The following EXT2 variants were observed in gnomAD, a reference collection of about 807,000 sequenced individuals.
The protein encoded by EXT2 is exostosin-2.
In EXT2, 53 loss-of-function variants were observed where a neutral mutation model predicts 81.6. The observed-to-expected ratio is 0.65, with a 90% confidence interval of 0.52 to 0.82. EXT2 has a LOEUF of 0.82. Ranked by LOEUF, EXT2 falls within the 40% of genes least tolerant of loss-of-function variation. EXT2 has a pLI of 0.00. For synonymous variants in EXT2, 320 were observed against 340.0 expected (o/e 0.94, Z 0.65); for missense variants, 774 against 910.2 (o/e 0.85, Z 1.93).
At position 44,234,125 on chromosome 11, in the gene EXT2, A is replaced by G. The variant is rs1264658427; in HGVS notation, c.1817A>G (p.Tyr606Cys). 1 of 1,613,992 alleles carries G rather than the reference A, an allele frequency of 6.2e-7. No individual in the cohort carries two copies. The highest frequency in any genetic ancestry group is 8.5e-7 in the Non-Finnish European group (1 of 1,179,902). ...GAAFYHKYFN[Y>C]LYTYKMPGDI... ...TGTCTCACTTGACAGTATTTTAATT[A>G]CCTGTATACCTACAAAATGCCTGGG... The change falls in exon 12 of 14, where the codon TAC becomes TGC. Residue 606 changes from tyrosine (Y) to cysteine (C), a missense_variant. Tyr to Cys is a radical substitution (Grantham distance 194). Coordinates refer to ENST00000533608, the MANE Select transcript of EXT2 (RefSeq NM_207122.2).
intron 4 of EXT2, among the ~76,000 whole-genome samples, chr11:44,119,865 A>G (rs1030659837): frequency 1.3e-5 from 2 of 152,336 alleles, no homozygotes; most frequent in Admixed American, 6.5e-5. Context: ...AGAGAGTGAC[A>G]TGTGAGGACT....
intron 7 of EXT2, among the ~76,000 whole-genome samples, chr11:44,165,102 T>A (rs1428638546): frequency 6.6e-6 from 1 of 151,996 alleles, no homozygotes; most frequent in East Asian, 1.9e-4. Flanking sequence ...ATGGTCTCGA[T>A]CTCCTGACCT....
chr11:44,146,704 T>C (rs983543955), intron 7 of EXT2, among the ~76,000 whole-genome samples: 1 of 152,232 alleles, frequency 6.6e-6, no homozygotes, highest in Non-Finnish European at 1.5e-5. Flanking sequence ...AGTAGTTTAT[T>C]AAGCCTAATA....
intron 13 of EXT2, among the ~76,000 whole-genome samples, chr11:44,238,529 G>A (rs572999557): frequency 2.6e-5 from 4 of 152,244 alleles, no homozygotes; most frequent in South Asian, 2.1e-4. Flanking sequence ...GGATTGGAGC[G>A]AACTGTTGGA....
At chr11:44,218,793 CTTTTTTTTTTT>C (rs11368525) in intron 10 of EXT2, among the ~76,000 whole-genome samples, 45 of 92,300 alleles carry the variant, frequency 4.9e-4, no homozygotes, top group Non-Finnish European at 6.3e-4. Flanking sequence ...ATCTGCAATT[CTTTTTTTTTTT>C]TTTTTTTTTT....
intron 10 of EXT2, among the ~76,000 whole-genome samples, chr11:44,207,865 C>A (rs765784048): frequency 2.6e-5 from 4 of 151,994 alleles, no homozygotes; most frequent in South Asian, 4.1e-4. Context: ...TCCCCTCCCC[C>A]CCGACACTAT....
chr11:44,144,741 T>C (rs772097503), intron 7 of EXT2, among the ~76,000 whole-genome samples: 4 of 152,222 alleles, frequency 2.6e-5, no homozygotes, highest in African/African-American at 4.8e-5. Context: ...TGACCCCTTC[T>C]TGTTTCCTGG....
At chr11:44,213,874 A>G (rs1217389301) in intron 10 of EXT2, among the ~76,000 whole-genome samples, 2 of 152,264 alleles carry the variant, frequency 1.3e-5, no homozygotes, top group Non-Finnish European at 2.9e-5. Flanking sequence ...AGACTCAAGA[A>G]GCTGAACCAA....
chr11:44,219,830 G>A (rs749427056), intron 10 of EXT2, among the ~76,000 whole-genome samples: 18 of 152,134 alleles, frequency 1.2e-4, no homozygotes, highest in African/African-American at 2.4e-5. Context: ...CCTAACAGAG[G>A]AACCATAAAA....
At chr11:44,229,578 AC>A (rs1955874986) in intron 10 of EXT2, among the ~76,000 whole-genome samples, 2 of 152,182 alleles carry the variant, frequency 1.3e-5, no homozygotes, top group South Asian at 4.2e-4. Context: ...CACAGTGAGG[AC>A]TGGGCAAGAC....
chr11:44,239,393 CTTT>C (rs1174306938), intron 13 of EXT2, among the ~76,000 whole-genome samples: 1 of 125,468 alleles, frequency 8.0e-6, no homozygotes, highest in Non-Finnish European at 1.6e-5. Flanking sequence ...TCTGTATATA[CTTT>C]TTTTTTTTTT....
At chr11:44,103,555 T>G in intron 1 of EXT2, 2 of 367,910 alleles carry the variant, frequency 5.4e-6, no homozygotes, top group East Asian at 8.6e-5. Flanking sequence ...TTGAAGTGTT[T>G]CCTCTTTTTT....
At chr11:44,133,788 G>A (rs1186291090) in intron 7 of EXT2, among the ~76,000 whole-genome samples, 2 of 152,196 alleles carry the variant, frequency 1.3e-5, no homozygotes, top group Non-Finnish European at 2.9e-5. Flanking sequence ...GGGTCTTGGT[G>A]AGGAAGGTAT....
Position 44,147,868 on chromosome 11 carries a change from C to T in EXT2, c.1173+17730C>T, listed in dbSNP as rs538832297. Among the ~76,000 whole-genome samples, 43 of 136,802 alleles carry T rather than the reference C, an allele frequency of 3.1e-4. No individual in the cohort carries two copies. In the South Asian group the frequency reaches 9.5e-3, roughly 30 times the overall value. The allele number at this position is 136,802 out of a possible 152,430, so 89.7% of individuals were successfully genotyped here. A position where few individuals can be genotyped will look rare whatever the true frequency, so the allele number is the denominator to read the frequency against. On this transcript the variant is annotated intron_variant, in intron 7 of 13. Coordinates refer to ENST00000533608, the MANE Select transcript of EXT2 (RefSeq NM_207122.2). ...CTGAGAGAGGAGGTTTATTTTTATC[C>T]AGCAGCAAGCTACTATTTTAGGTGC...
At chr11:44,144,850 C>A (rs1474125114) in intron 7 of EXT2, among the ~76,000 whole-genome samples, 1 of 152,088 alleles carries the variant, frequency 6.6e-6, no homozygotes, top group Non-Finnish European at 1.5e-5. Context: ...TAACGTTCCC[C>A]AAGTAGCATT....
intron 7 of EXT2, among the ~76,000 whole-genome samples, chr11:44,136,367 G>A (rs1458500909): frequency 6.6e-6 from 1 of 152,172 alleles, no homozygotes; most frequent in East Asian, 1.9e-4. Context: ...ATCCTCCCAA[G>A]ACCACACAGC....
At chr11:44,151,101 G>A (rs903188459) in intron 7 of EXT2, among the ~76,000 whole-genome samples, 1 of 152,144 alleles carries the variant, frequency 6.6e-6, no homozygotes, top group Non-Finnish European at 1.5e-5. Flanking sequence ...GAGAGTTTTA[G>A]GTTCACAGCA....
At chr11:44,111,314 T>G (rs1954139377) in intron 3 of EXT2, among the ~76,000 whole-genome samples, 2 of 152,162 alleles carry the variant, frequency 1.3e-5, no homozygotes, top group Admixed American at 6.5e-5. Flanking sequence ...AGCATGCAAG[T>G]GTATAAAGAG....
chr11:44,237,646 G>A (rs1442173492), intron 13 of EXT2, among the ~76,000 whole-genome samples: 2 of 152,096 alleles, frequency 1.3e-5, no homozygotes, highest in South Asian at 4.1e-4. Context: ...TGGTGTATCG[G>A]ATATATGGTC....
Sources: gnomAD v4.1 joint callset for allele counts (sites outside exome capture counted in the v4.1 genomes callset) on GRCh38, gnomAD v4.1.1 for gene constraint, MANE v1.5 for transcripts, NCBI Gene and HGNC (gene_info 2026-07-23, HGNC 2026-07-21) for gene names.